The following ZNF486 variants were observed in gnomAD, a reference collection of about 807,000 sequenced individuals.
The protein encoded by ZNF486 is KRAB box only protein 2.
In ZNF486, 12 loss-of-function variants were observed where a neutral mutation model predicts 12.8. That is an observed-to-expected ratio of 0.94 (90% CI 0.60 to 1.52). ZNF486 has a LOEUF of 1.52. ZNF486 is among the 40% of genes most tolerant of loss of function. The probability of loss-of-function intolerance (pLI) is 0.00; values close to 1 mark genes in which losing one functional copy is unlikely to be tolerated. For missense variants in ZNF486, 738 were observed against 545.0 expected, an observed-to-expected ratio of 1.35 and a Z score of -3.53; for synonymous variants, 231 against 184.9, an observed-to-expected ratio of 1.25 and a Z score of -2.02.
chr19:20,186,739 C>T (rs181803416), intron 3 of ZNF486, among the ~76,000 whole-genome samples: 229 of 148,470 alleles, frequency 1.5e-3, no homozygotes, highest in African/African-American at 4.9e-3. Context: ...CTGGTTAATA[C>T]GGCAATTTTA....
intron 1 of ZNF486, among the ~76,000 whole-genome samples, chr19:20,177,966 C>T (rs1239975623): frequency 6.8e-6 from 1 of 146,140 alleles, no homozygotes; most frequent in East Asian, 1.9e-4. Flanking sequence ...TCTCATCCCC[C>T]AGGCTGGAGT....
chr19:20,188,026 C>G, intron 3 of ZNF486, among the ~76,000 whole-genome samples: 1 of 152,050 alleles, frequency 6.6e-6, no homozygotes, highest in African/African-American at 2.4e-5. Context: ...GGCTTTGCTC[C>G]GTAGTTAAAA....
At chr19:20,184,596 T>G (rs546973994) in intron 2 of ZNF486, 114 bp downstream of exon 2, 4 of 1,173,966 alleles carry the variant, frequency 3.4e-6, no homozygotes, top group African/African-American at 1.6e-5. Flanking sequence ...AGATGTCCTT[T>G]TTCCAGAAAA....
chr19:20,190,666 A>G (rs1555717058), intron 3 of ZNF486, among the ~76,000 whole-genome samples: 11 of 152,244 alleles, frequency 7.2e-5, no homozygotes, highest in Non-Finnish European at 1.5e-5. Context: ...GTTATAGGCA[A>G]GAGCCACTGC....
At chr19:20,186,784 G>GTTTTTTTTTTGTT (rs1555716544) in intron 3 of ZNF486, among the ~76,000 whole-genome samples, 1 of 122,482 alleles carries the variant, frequency 8.2e-6, no homozygotes, top group African/African-American at 3.3e-5. Flanking sequence ...ATTTTCATAG[G>GTTTTTTTTTTGTT]TTTTTTTTTT....
At chr19:20,169,416 G>A (rs570531110) in intron 1 of ZNF486, among the ~76,000 whole-genome samples, 92 of 152,214 alleles carry the variant, frequency 6.0e-4, no homozygotes, top group African/African-American at 2.1e-3. Flanking sequence ...GCCAACAGGA[G>A]GTTATTAAAG....
intron 1 of ZNF486, among the ~76,000 whole-genome samples, chr19:20,180,957 G>A (rs1309772253): frequency 3.9e-5 from 6 of 152,164 alleles, no homozygotes; most frequent in Admixed American, 2.6e-4. Flanking sequence ...GCAGTGGCTA[G>A]AAAAATTAAA....
intron 3 of ZNF486, among the ~76,000 whole-genome samples, chr19:20,186,714 A>T (rs1438880189): frequency 6.6e-6 from 1 of 151,786 alleles, no homozygotes; most frequent in African/African-American, 2.4e-5. Context: ...AGGTTTATTG[A>T]ATCTATAGAT....
At chr19:20,186,329 G>C (rs797036358) in intron 3 of ZNF486, among the ~76,000 whole-genome samples, 11 of 152,112 alleles carry the variant, frequency 7.2e-5, no homozygotes, top group African/African-American at 2.7e-4. Context: ...TTCACAGTGA[G>C]AGCGAAATTC....
rs2090001257 is a variant in ZNF486, at chr19:20,200,340, C to T, written c.*2238C>T. On this transcript the variant is annotated 3_prime_UTR_variant, in exon 4 of 4. Coordinates refer to ENST00000335117, the MANE Select transcript of ZNF486 (RefSeq NM_052852.4). ...AGTGGAGAGGCTCTTTGTAGTTAAC[C>T]TATATGAAGTAATGTATAAGGTAGG... 1 of 151,916 alleles carries T rather than the reference C, an allele frequency of 6.6e-6. No individual in the cohort carries two copies. 9.4% of individuals were successfully genotyped at this position (151,916 alleles called of 1,614,324 possible). A position where few individuals can be genotyped will look rare whatever the true frequency, so the allele number is the denominator to read the frequency against.
intron 1 of ZNF486, among the ~76,000 whole-genome samples, chr19:20,172,317 T>TA (rs2089657281): frequency 6.6e-6 from 1 of 151,654 alleles, no homozygotes; most frequent in Admixed American, 6.6e-5. Flanking sequence ...CCTACTTTTT[T>TA]TTTTTGAGAG....
At chr19:20,184,256 ATAAG>A in intron 1 of ZNF486, 96 bp from the exon 2 acceptor site, 1 of 1,540,926 alleles carries the variant, frequency 6.5e-7, no homozygotes. Flanking sequence ...AGTCAATCCT[ATAAG>A]TAAGAATCAG....
At chr19:20,183,099 A>G (rs2089804025) in intron 1 of ZNF486, among the ~76,000 whole-genome samples, 1 of 152,148 alleles carries the variant, frequency 6.6e-6, no homozygotes, top group African/African-American at 2.4e-5. Context: ...TCTTTCCTAT[A>G]TCCCAGAGCT....
chr19:20,175,835 T>C (rs2122636134), intron 1 of ZNF486, among the ~76,000 whole-genome samples: 1 of 152,324 alleles, frequency 6.6e-6, no homozygotes, highest in South Asian at 2.1e-4. Flanking sequence ...CCGTTCTCAA[T>C]GAGCTGTTGG....
intron 1 of ZNF486, among the ~76,000 whole-genome samples, chr19:20,182,657 G>C (rs559741435): frequency 4.6e-5 from 7 of 152,236 alleles, no homozygotes; most frequent in African/African-American, 1.4e-4. Context: ...GTCTGTGGCA[G>C]GGAGGGCACC....
chr19:20,191,167 T>C lies in ZNF486; in HGVS notation c.253+5085T>C, dbSNP rs370163150. ...TCAAACTGTGAGCCACATAAATTAT[T>C]TTTCTTTAAAAATTATGCACTTGGC... On this transcript the variant is annotated intron_variant, in intron 3 of 3. Coordinates refer to ENST00000335117, the MANE Select transcript of ZNF486 (RefSeq NM_052852.4). Among the ~76,000 whole-genome samples, 12 of 152,268 alleles carry C rather than the reference T, an allele frequency of 7.9e-5. No homozygotes were observed. The South Asian group carries it at 8.3e-4, about 11-fold the overall frequency.
rs1296275977 is a variant in ZNF486 at position 20,200,331 on chromosome 19, G to A, written c.*2229G>A. 2.0e-5 allele frequency: 3 copies of A among 152,066 alleles called. No homozygotes were observed. Among genetic ancestry groups the A allele is most frequent in the Admixed American group, 1.3e-4 (2 of 15,236 alleles). 9.4% of individuals were successfully genotyped at this position (152,066 alleles called of 1,614,324 possible). A position where few individuals can be genotyped will look rare whatever the true frequency, so the allele number is the denominator to read the frequency against. On this transcript the variant is annotated 3_prime_UTR_variant, in exon 4 of 4. Coordinates refer to ENST00000335117, the MANE Select transcript of ZNF486 (RefSeq NM_052852.4). ...GAAAATATAAGTGGAGAGGCTCTTT[G>A]TAGTTAACCTATATGAAGTAATGTA...
In ZNF486 at chr19:20,199,069, G is replaced by A. The variant is rs144086076; in HGVS notation, c.*967G>A. 2.5e-3 allele frequency: 373 copies of A among 152,214 alleles called. 4 individuals are homozygous for A. Among genetic ancestry groups the A allele is most frequent in the African/African-American group, 8.5e-3 (353 of 41,516 alleles). 9.4% of individuals were successfully genotyped at this position (152,214 alleles called of 1,614,324 possible). On this transcript the variant is annotated 3_prime_UTR_variant, in exon 4 of 4. Transcript: ENST00000335117. ...GAATGTGGCAAAACTTTTAATCAGT[G>A]CTTACACCGTATTTCACAGGAAAGC...
intron 3 of ZNF486, among the ~76,000 whole-genome samples, chr19:20,193,810 G>GT (rs1377438132): frequency 4.0e-5 from 6 of 150,308 alleles, no homozygotes; most frequent in Non-Finnish European, 7.4e-5. Flanking sequence ...TCTTTTTTGT[G>GT]TTTTTTTAAT....
Sources: allele counts gnomAD v4.1 joint callset (sites outside exome capture counted in the v4.1 genomes callset), GRCh38; gene constraint gnomAD v4.1.1; transcripts MANE v1.5; gene names NCBI Gene and HGNC (gene_info 2026-07-23, HGNC 2026-07-21).